The following GABRG3 variants were observed in gnomAD, a reference collection of about 807,000 sequenced individuals.
The protein encoded by GABRG3 is gamma-aminobutyric acid type A receptor subunit gamma3, also known as gamma-aminobutyric acid receptor subunit gamma-3.
A neutral mutation model predicts 48.8 loss-of-function variants in GABRG3; 25 were observed. The observed-to-expected ratio is 0.51, with a 90% CI of 0.37 to 0.72. The LOEUF is 0.72. GABRG3 is among the 30% of genes least tolerant of loss of function. The pLI is 0.00. For synonymous variants in GABRG3, 227 were observed against 217.6 expected (o/e 1.04, Z -0.38); for missense variants, 394 against 577.9 (o/e 0.68, Z 3.26).
Position 26,974,219 on chromosome 15 carries a change from G to A in GABRG3, c.53+2631G>A, listed in dbSNP as rs1002771589. Among the ~76,000 whole-genome samples the A allele has an allele frequency of 2.0e-5, 3 of 152,148 alleles. No homozygotes were observed. Among genetic ancestry groups the A allele is most frequent in the Admixed American group, 6.5e-5 (1 of 15,274 alleles). On this transcript the variant is annotated intron_variant, in intron 1 of 9. Coordinates refer to ENST00000615808, the MANE Select transcript of GABRG3 (RefSeq NM_033223.5). This position sits in a 1 kb window ranked among gnomAD's most constrained non-coding sequence, Gnocchi z 4.3. ...GCCTCCCAAAGGGGTGGAAGAGAACGTTCCTGCTTTCTTTTTCTTGGTCCC... is the reference window on the plus strand; with the variant it reads ...GCCTCCCAAAGGGGTGGAAGAGAACATTCCTGCTTTCTTTTTCTTGGTCCC...
At chr15:27,389,732 T>A (rs1434879609) in intron 5 of GABRG3, among the ~76,000 whole-genome samples, 1 of 152,238 alleles carries the variant, frequency 6.6e-6, no homozygotes, top group African/African-American at 2.4e-5. Flanking sequence ...AGTTAACACA[T>A]CAACTTATAT....
intron 3 of GABRG3, among the ~76,000 whole-genome samples, chr15:27,321,435 C>A (rs1005644641): frequency 6.6e-6 from 1 of 152,046 alleles, no homozygotes; most frequent in Admixed American, 6.6e-5. Flanking sequence ...TTTCCCAGGA[C>A]AACTGAATAA....
At chr15:27,291,488 C>G (rs1040557108) in intron 3 of GABRG3, among the ~76,000 whole-genome samples, 3 of 152,170 alleles carry the variant, frequency 2.0e-5, no homozygotes, top group African/African-American at 7.2e-5. Flanking sequence ...TGATCACTCC[C>G]CATATAACTG....
At chr15:27,369,650 A>G (rs1895331384) in intron 5 of GABRG3, among the ~76,000 whole-genome samples, 1 of 151,850 alleles carries the variant, frequency 6.6e-6, no homozygotes, top group East Asian at 1.9e-4. Context: ...TACTAAAAAT[A>G]CAAAAAATTA....
intron 3 of GABRG3, among the ~76,000 whole-genome samples, chr15:27,296,588 G>T (rs1891992653): frequency 6.6e-6 from 1 of 152,104 alleles, no homozygotes; most frequent in Non-Finnish European, 1.5e-5. Context: ...TGTGACGGTG[G>T]TCCCATAAGA....
At chr15:27,499,076 C>T (rs1314607527) in intron 6 of GABRG3, among the ~76,000 whole-genome samples, 5 of 152,118 alleles carry the variant, frequency 3.3e-5, no homozygotes, top group East Asian at 1.9e-4. Flanking sequence ...GTGCTAAGGG[C>T]GGTGTTTTCG....
intron 3 of GABRG3, among the ~76,000 whole-genome samples, chr15:27,324,032 A>G (rs1180531353): frequency 1.3e-5 from 2 of 152,330 alleles, no homozygotes; most frequent in African/African-American, 2.4e-5. Flanking sequence ...CAACAGTTCT[A>G]TCACATGCCT....
chr15:27,025,475 A>C (rs968223757), intron 2 of GABRG3, among the ~76,000 whole-genome samples: 1 of 152,220 alleles, frequency 6.6e-6, no homozygotes, highest in Non-Finnish European at 1.5e-5. Flanking sequence ...CTTAAGCACC[A>C]TATACATAGT....
rs58380829 is a variant in GABRG3 at position 27,186,070 on chromosome 15, G to A, written c.271-140739G>A. Reference sequence around the variant, plus strand: ...TAGAATCGGGATACATATGCAGGTTGGTAACAAAGGTATATTGTGTGATGC... The same window carrying A: ...TAGAATCGGGATACATATGCAGGTTAGTAACAAAGGTATATTGTGTGATGC... On this transcript the variant is annotated intron_variant, in intron 3 of 9. Coordinates refer to ENST00000615808, the MANE Select transcript of GABRG3 (RefSeq NM_033223.5). Among the ~76,000 whole-genome samples the A allele has an allele frequency of 7.6e-3, 1,099 of 145,544 alleles. 16 individuals carry two copies. Among genetic ancestry groups the A allele is most frequent in the African/African-American group, 0.027 (1,066 of 39,212 alleles).
At chr15:27,529,889 TAAAA>T (rs539243697) in intron 9 of GABRG3, among the ~76,000 whole-genome samples, 1 of 116,628 alleles carries the variant, frequency 8.6e-6, no homozygotes, top group Non-Finnish European at 1.8e-5. Flanking sequence ...AGCAGAAAAT[TAAAA>T]AAAAAAAAAA....
Position 27,403,927 on chromosome 15 carries a change from AAC to A in GABRG3, c.574+75041_574+75042del, listed in dbSNP as rs976638004. Among the ~76,000 whole-genome samples the A allele has an allele frequency of 9.6e-5, 12 of 125,198 alleles. 1 individual carries two copies. The highest frequency in any genetic ancestry group is 7.0e-4 in the East Asian group (3 of 4,266). 82.1% of individuals were successfully genotyped at this position (125,198 alleles called of 152,430 possible). A position where few individuals can be genotyped will look rare whatever the true frequency, so the allele number is the denominator to read the frequency against. On this transcript the variant is annotated intron_variant, in intron 5 of 9. Transcript: ENST00000615808. Reference sequence around the variant, plus strand: ...CTCAAAAAAAAACAAAAAAAAAAAAAACAAAAAAAAAAAACCGGGCTTGGTAG... The same window carrying A: ...CTCAAAAAAAAACAAAAAAAAAAAAAAAAAAAAAAAAACCGGGCTTGGTAG...
At position 26,976,942 on chromosome 15, in the gene GABRG3, A is replaced by G; in HGVS notation, c.54-60A>G. ...CATGGTACTTGGATAGGACAAACTT[A>G]GGCTCTTCCTAGAGCCATTGCTGCC... On this transcript the variant is annotated intron_variant, in intron 1 of 9. Transcript: ENST00000615808. This position sits in a 1 kb window ranked among gnomAD's most constrained non-coding sequence, Gnocchi z 7.8. 6.3e-7 allele frequency: 1 copy of G among 1,575,206 alleles called. No homozygotes were observed. Among genetic ancestry groups the G allele is most frequent in the African/African-American group, 1.4e-5 (1 of 73,922 alleles).
In GABRG3 at chr15:27,020,655, G is replaced by C. The variant is rs537211304; in HGVS notation, c.203-6099G>C. ...GATGGTCTCGATCTCCCGACCTCGT[G>C]ATCCGCCCCCCTCTGCCTCCCAAAG... is the stretch of plus-strand genomic sequence containing the variant. On this transcript the variant is annotated intron_variant, in intron 2 of 9. Transcript: ENST00000615808. 5.3e-5 allele frequency among the ~76,000 whole-genome samples: 8 copies of C among 151,948 alleles called. No individual in the cohort carries two copies. The East Asian group carries it at 1.4e-3, about 26-fold the overall frequency.
chr15:27,193,689 C>T (rs1488030071), intron 3 of GABRG3, among the ~76,000 whole-genome samples: 1 of 152,238 alleles, frequency 6.6e-6, no homozygotes, highest in African/African-American at 2.4e-5. Flanking sequence ...GGCAATGCCT[C>T]TCCCTGCTTC....
chr15:27,146,875 A>G (rs541633763), intron 3 of GABRG3, among the ~76,000 whole-genome samples: 16 of 152,274 alleles, frequency 1.1e-4, no homozygotes, highest in African/African-American at 3.6e-4. Context: ...AAGTAAAGGA[A>G]TAGAACAAAA....
rs192135821 is a variant in GABRG3 at position 27,227,392 on chromosome 15, G to A, written c.271-99417G>A. 2.0e-3 allele frequency among the ~76,000 whole-genome samples: 307 copies of A among 152,184 alleles called. 1 individual carries two copies. The highest frequency in any genetic ancestry group is 7.1e-3 in the African/African-American group (296 of 41,516). Reference sequence around the variant, plus strand: ...TGCACCTGTAGTCCTTTGTTACTTGGGAGGCTGAGGGGGGAGGATCACCTG... The same window carrying A: ...TGCACCTGTAGTCCTTTGTTACTTGAGAGGCTGAGGGGGGAGGATCACCTG... On this transcript the variant is annotated intron_variant, in intron 3 of 9. Coordinates refer to ENST00000615808, the MANE Select transcript of GABRG3 (RefSeq NM_033223.5).
chr15:27,038,469 C>T (rs1268364607), intron 3 of GABRG3, among the ~76,000 whole-genome samples: 1 of 152,164 alleles, frequency 6.6e-6, no homozygotes, highest in African/African-American at 2.4e-5. Flanking sequence ...CCTCTCCTGT[C>T]CCGTGGTAGG....
At position 27,393,112 on chromosome 15, in the gene GABRG3, A is replaced by G. The variant is rs186913914; in HGVS notation, c.574+64224A>G. The stretch of plus-strand genomic sequence containing the variant: ...TGTAATCCGAGCACTTTGGGAGGCC[A>G]AGGCGGGCAGATCACGAGGTCAGGA... On this transcript the variant is annotated intron_variant, in intron 5 of 9. Transcript: ENST00000615808. 1.4e-3 allele frequency among the ~76,000 whole-genome samples: 220 copies of G among 152,148 alleles called. 4 individuals are homozygous for G. The highest frequency in any genetic ancestry group is 0.014 in the South Asian group (67 of 4,824).
At chr15:27,294,140 C>G (rs906016739) in intron 3 of GABRG3, among the ~76,000 whole-genome samples, 1 of 151,972 alleles carries the variant, frequency 6.6e-6, no homozygotes, top group African/African-American at 2.4e-5. Flanking sequence ...TATCACATGC[C>G]CAGATTGCAG....
Sources: gnomAD v4.1 joint callset for allele counts (sites outside exome capture counted in the v4.1 genomes callset) on GRCh38, gnomAD v4.1.1 for gene constraint, Gnocchi (gnomAD v3.1) non-coding constraint, MANE v1.5 for transcripts, NCBI Gene and HGNC (gene_info 2026-07-23, HGNC 2026-07-21) for gene names.